Variants in BFAR observed in about 807,000 individuals in gnomAD.
The protein encoded by BFAR is RING finger protein 47.
BFAR carries 52 observed loss-of-function variants against 54.4 expected under a neutral mutation model. That is an observed-to-expected ratio of 0.96 (90% CI 0.77 to 1.21). BFAR has a LOEUF of 1.21. Among genes scored for constraint, BFAR ranks in the 50% most tolerant of loss-of-function variants. The probability of loss-of-function intolerance (pLI) is 0.00; values close to 1 mark genes in which losing one functional copy is unlikely to be tolerated. For missense variants in BFAR, 571 were observed against 534.0 expected (o/e 1.07, Z -0.68); for synonymous variants, 215 against 204.3 (o/e 1.05, Z -0.45).
intron 1 of BFAR, among the ~76,000 whole-genome samples, chr16:14,633,694 C>T (rs1959338003): frequency 6.6e-6 from 1 of 152,168 alleles, no homozygotes; most frequent in Non-Finnish European, 1.5e-5. Context: ...GCCCTGCCGC[C>T]CAGGCTGGAG....
intron 2 of BFAR, among the ~76,000 whole-genome samples, chr16:14,645,579 C>A (rs148588486): frequency 2.1e-3 from 313 of 152,258 alleles, no homozygotes; most frequent in Non-Finnish European, 3.6e-3. Flanking sequence ...GTGTGCCCTT[C>A]TTGATTTCAA....
intron 5 of BFAR, among the ~76,000 whole-genome samples, 192 bp downstream of exon 5, chr16:14,655,402 A>C (rs544870501): frequency 6.6e-6 from 1 of 150,376 alleles, no homozygotes; most frequent in South Asian, 2.1e-4. Context: ...GCTCAGTGCA[A>C]CCTCTGCCTC....
At chr16:14,644,686 T>TA (rs1555514022) in intron 2 of BFAR, 77 bp downstream of exon 2, 8 of 1,311,672 alleles carry the variant, frequency 6.1e-6, no homozygotes, top group African/African-American at 1.5e-5. Context: ...TTTTTTTTTT[T>TA]AACAGAGATG....
intron 4 of BFAR, among the ~76,000 whole-genome samples, chr16:14,652,803 C>G (rs1805643125): frequency 6.6e-6 from 1 of 152,004 alleles, no homozygotes; most frequent in Middle Eastern, 3.2e-3. Flanking sequence ...ATATTTACAT[C>G]TATATCCACC....
At chr16:14,639,451 T>C (rs1357397729) in intron 1 of BFAR, among the ~76,000 whole-genome samples, 1 of 151,990 alleles carries the variant, frequency 6.6e-6, no homozygotes, top group Admixed American at 6.6e-5. Flanking sequence ...GGGATTACAG[T>C]CGTGCACCAC....
intron 1 of BFAR, among the ~76,000 whole-genome samples, chr16:14,639,561 A>G (rs910721542): frequency 6.6e-6 from 1 of 152,050 alleles, no homozygotes; most frequent in Non-Finnish European, 1.5e-5. Flanking sequence ...GCCCACCTCC[A>G]TTTTGGTAGA....
chr16:14,664,378 A>C (rs1039233237), intron 6 of BFAR, among the ~76,000 whole-genome samples: 3 of 149,040 alleles, frequency 2.0e-5, no homozygotes, highest in Non-Finnish European at 3.0e-5. Context: ...GTAACAGATC[A>C]AGACTCCGTC....
intron 2 of BFAR, among the ~76,000 whole-genome samples, chr16:14,646,017 T>C (rs1412185499): frequency 1.3e-5 from 2 of 152,110 alleles, no homozygotes; most frequent in East Asian, 3.9e-4. Context: ...TACAGGAGCC[T>C]GCTACCACGC....
At chr16:14,667,344 A>C (rs907596875) in intron 7 of BFAR, 1 of 408,648 alleles carries the variant, frequency 2.4e-6, no homozygotes, top group Admixed American at 4.0e-5. Context: ...CCTGTCTCAA[A>C]AGGAAAAAAA....
chr16:14,641,210 G>C (rs966360621), intron 1 of BFAR, among the ~76,000 whole-genome samples: 1 of 152,162 alleles, frequency 6.6e-6, no homozygotes, highest in Middle Eastern at 3.2e-3. Context: ...GGAGCACCAG[G>C]GGTAGGAATA....
Position 14,644,483 on chromosome 16 carries a change from C to T in BFAR, c.137C>T (p.Thr46Ile). 1.2e-6 allele frequency: 2 copies of T among 1,614,074 alleles called. No individual in the cohort carries two copies. Among genetic ancestry groups the T allele is most frequent in the Non-Finnish European group, 1.7e-6 (2 of 1,180,022 alleles). The change falls in exon 2 of 8, where the codon ACC becomes ATC. Residue 46 changes from threonine to isoleucine, a missense_variant. By Grantham distance (89) the Thr-to-Ile change is moderately conservative. Coordinates refer to ENST00000261658, the MANE Select transcript of BFAR (RefSeq NM_016561.3). ...TACGACATCCTGGTTAACCCCACCA[C>T]CTTGAACTGTGGGCACAGCTTCTGC... ...CCYDILVNPT[T>I]LNCGHSFCRH...
chr16:14,655,285 TTTTC>T (rs1280414635), intron 5 of BFAR, 75 bp downstream of exon 5: 7 of 1,098,300 alleles, frequency 6.4e-6, no homozygotes, highest in Non-Finnish European at 8.3e-6. Flanking sequence ...AATTTCAGGG[TTTTC>T]TTTTTTATTT....
At chr16:14,656,031 G>A (rs1196326462) in intron 5 of BFAR, among the ~76,000 whole-genome samples, 1 of 152,024 alleles carries the variant, frequency 6.6e-6, no homozygotes, top group African/African-American at 2.4e-5. Flanking sequence ...CCAACGTGGT[G>A]AAACCCCGTC....
intron 5 of BFAR, among the ~76,000 whole-genome samples, chr16:14,661,644 C>T (rs966107703): frequency 6.6e-6 from 1 of 151,928 alleles, no homozygotes; most frequent in Admixed American, 6.6e-5. Flanking sequence ...CTCAAGTGAT[C>T]CGTCCACCTC....
In BFAR at chr16:14,669,199, T is replaced by G; in HGVS notation, c.*1372T>G. ...CATCTGGAAGTTCGAAGAAATTACT[T>G]GAAATAAAAATAAAGATTTCTATAT... On this transcript the variant is annotated 3_prime_UTR_variant, in exon 8 of 8. Coordinates refer to ENST00000261658, the MANE Select transcript of BFAR (RefSeq NM_016561.3). 6.4e-6 allele frequency: 2 copies of G among 310,642 alleles called. No individual in the cohort carries two copies. The highest frequency in any genetic ancestry group is 8.2e-5 in the East Asian group (1 of 12,200). The allele number at this position is 310,642 out of a possible 1,614,324, so 19.2% of individuals were successfully genotyped here.
At chr16:14,662,166 G>A (rs530489601) in intron 6 of BFAR, 101 bp downstream of exon 6, 2 of 1,364,570 alleles carry the variant, frequency 1.5e-6, no homozygotes, top group East Asian at 4.6e-5. Context: ...TTTGACCCAT[G>A]AACTCCTTCA....
chr16:14,648,963 A>G (rs1287680512), intron 3 of BFAR, among the ~76,000 whole-genome samples: 1 of 152,024 alleles, frequency 6.6e-6, no homozygotes, highest in African/African-American at 2.4e-5. Flanking sequence ...GTGAAAATGA[A>G]CTAAAACCAG....
At chr16:14,666,527 G>A (rs1488152902) in intron 7 of BFAR, among the ~76,000 whole-genome samples, 3 of 152,066 alleles carry the variant, frequency 2.0e-5, no homozygotes, top group Non-Finnish European at 4.4e-5. Context: ...AGCTAAGATT[G>A]CACCATTGCA....
At chr16:14,666,996 A>G (rs1362680053) in intron 7 of BFAR, among the ~76,000 whole-genome samples, 1 of 152,070 alleles carries the variant, frequency 6.6e-6, no homozygotes, top group African/African-American at 2.4e-5. Context: ...GCTTGAGACC[A>G]GGAGTTCAAG....
Sources: allele counts gnomAD v4.1 joint callset (sites outside exome capture counted in the v4.1 genomes callset), GRCh38; gene constraint gnomAD v4.1.1; transcripts MANE v1.5; gene names NCBI Gene and HGNC (gene_info 2026-07-23, HGNC 2026-07-21).